GOLM2: variants seen among roughly 807,000 people sequenced by gnomAD.
GOLM2 encodes the protein protein GOLM2.
Under a neutral mutation model 55.9 loss-of-function variants are expected in GOLM2, and 26 were observed. The observed-to-expected ratio is 0.47, with a 90% CI of 0.34 to 0.65. The LOEUF (loss-of-function observed/expected upper bound fraction) is 0.65. Among genes scored for constraint, GOLM2 ranks in the 30% least tolerant of loss-of-function variants. The probability of loss-of-function intolerance (pLI) is 0.01; values close to 1 mark genes in which losing one functional copy is unlikely to be tolerated. For missense variants in GOLM2, 486 were observed against 531.8 expected (o/e 0.91, Z 0.85); for synonymous variants, 165 against 194.6 (o/e 0.85, Z 1.27).
At chr15:44,330,373 G>A (rs1223173460) in intron 3 of GOLM2, among the ~76,000 whole-genome samples, 1 of 151,420 alleles carries the variant, frequency 6.6e-6, no homozygotes, top group East Asian at 2.0e-4. Flanking sequence ...AATTAGCTGG[G>A]CCTGATGGTG....
chr15:44,377,716 T>TA (rs1050361071), intron 6 of GOLM2, among the ~76,000 whole-genome samples: 1 of 152,130 alleles, frequency 6.6e-6, no homozygotes, highest in African/African-American at 2.4e-5. Context: ...GCCAAAACTA[T>TA]AAAATTGAGA....
At chr15:44,316,583 G>C (rs918305979) in intron 1 of GOLM2, among the ~76,000 whole-genome samples, 8 of 151,750 alleles carry the variant, frequency 5.3e-5, no homozygotes, top group Admixed American at 4.6e-4. Context: ...GTGAAACCCC[G>C]TCTCTACTAA....
At chr15:44,397,206 G>A (rs562777804) in intron 8 of GOLM2, among the ~76,000 whole-genome samples, 2 of 152,192 alleles carry the variant, frequency 1.3e-5, no homozygotes, top group East Asian at 3.9e-4. Flanking sequence ...TAGGCCAGGT[G>A]TGGTGGCTCA....
At chr15:44,373,389 G>A (rs1486320517) in intron 6 of GOLM2, among the ~76,000 whole-genome samples, 6 of 151,728 alleles carry the variant, frequency 4.0e-5, no homozygotes, top group Non-Finnish European at 5.9e-5. Flanking sequence ...CCCGGGAGGC[G>A]GAGCTTGCAG....
chr15:44,363,553 G>A (rs2079258863), intron 6 of GOLM2, among the ~76,000 whole-genome samples: 1 of 152,174 alleles, frequency 6.6e-6, no homozygotes, highest in Admixed American at 6.5e-5. Context: ...AACAGGTGCT[G>A]GAGAGGATGT....
intron 1 of GOLM2, among the ~76,000 whole-genome samples, chr15:44,300,242 A>AAAAG (rs141220122): frequency 0.051 from 7,768 of 151,730 alleles, 316 homozygotes; most frequent in East Asian, 0.19. Flanking sequence ...GGGAAGAAAG[A>AAAAG]AAAGAAAGGA....
chr15:44,338,313 C>A lies in GOLM2; in HGVS notation c.798C>A (p.Pro266=). 6.2e-7 allele frequency: 1 copy of A among 1,610,442 alleles called. No homozygotes were observed. Among genetic ancestry groups the A allele is most frequent in the Non-Finnish European group, 8.5e-7 (1 of 1,176,970 alleles). The change falls in exon 6 of 10, where the codon CCC becomes CCA. Residue 266 remains proline (P), a synonymous_variant. Transcript: ENST00000299957. The stretch of plus-strand genomic sequence containing the variant: ...ACCTAGCAAAAGTTGATGATCTTCC[C>A]CCTGGTAAGTAAAAATTGTTAGAGA... ...ENDLAKVDDL[P]PALRKPPISV... is the part of the protein sequence containing the mutation.
At chr15:44,340,300 G>A (rs757667292) in intron 6 of GOLM2, among the ~76,000 whole-genome samples, 27 of 151,972 alleles carry the variant, frequency 1.8e-4, no homozygotes, top group Non-Finnish European at 3.5e-4. Flanking sequence ...CAGAGACAGG[G>A]TCTCATTCTG....
chr15:44,333,011 C>T (rs1323992480), intron 4 of GOLM2, among the ~76,000 whole-genome samples: 1 of 152,142 alleles, frequency 6.6e-6, no homozygotes, highest in Non-Finnish European at 1.5e-5. Flanking sequence ...CGGCTCACTG[C>T]CAGCCCCGCC....
intron 6 of GOLM2, among the ~76,000 whole-genome samples, chr15:44,359,877 A>T (rs1400742150): frequency 6.6e-6 from 1 of 152,230 alleles, no homozygotes; most frequent in Non-Finnish European, 1.5e-5. Flanking sequence ...GATAAGCCAG[A>T]AGAGAGTGGG....
intron 1 of GOLM2, among the ~76,000 whole-genome samples, chr15:44,295,947 C>G (rs927000386): frequency 2.0e-5 from 3 of 151,194 alleles, no homozygotes; most frequent in East Asian, 2.0e-4. Context: ...CACACACACA[C>G]AGACACCCTT....
In GOLM2 at chr15:44,289,096, G is replaced by T. The variant is rs2078701479; in HGVS notation, c.67G>T (p.Val23Leu). 3 of 1,614,170 alleles carry T rather than the reference G, an allele frequency of 1.9e-6. No homozygotes were observed. Among genetic ancestry groups the T allele is most frequent in the East Asian group, 4.5e-5 (2 of 44,878 alleles). ...CTCTCTCGTGCTGGTGGTGCTGCTG[G>T]TGGTGATCGTCGTCCTCGCCTTCAA... Reference protein sequence around the residue: ...LPSLVLVVLLVVIVVLAFNYW... With the variant: ...LPSLVLVVLLLVIVVLAFNYW... Residue 23 changes from valine to leucine, a missense_variant, in exon 1 of 10, where the codon GTG becomes TTG. Transcript: ENST00000299957. The surrounding 1 kb of genome is among the most constrained non-coding windows in gnomAD (Gnocchi z 4.8).
intron 8 of GOLM2, among the ~76,000 whole-genome samples, chr15:44,391,348 A>G (rs1166337374): frequency 6.6e-6 from 1 of 151,872 alleles, no homozygotes. Context: ...CCCCGTCTCT[A>G]CTAAAAAAAA....
At chr15:44,353,211 G>A (rs1427037911) in intron 6 of GOLM2, among the ~76,000 whole-genome samples, 1 of 152,150 alleles carries the variant, frequency 6.6e-6, no homozygotes, top group Non-Finnish European at 1.5e-5. Flanking sequence ...GTTTAAAATG[G>A]ATTGTATCCA....
intron 6 of GOLM2, among the ~76,000 whole-genome samples, chr15:44,350,922 A>G (rs542597389): frequency 6.6e-6 from 1 of 152,320 alleles, no homozygotes; most frequent in South Asian, 2.1e-4. Flanking sequence ...ATAAAATTTA[A>G]CATCTCTTCA....
chr15:44,346,702 A>T (rs564870244), intron 6 of GOLM2, among the ~76,000 whole-genome samples: 4 of 152,216 alleles, frequency 2.6e-5, no homozygotes, highest in African/African-American at 9.6e-5. Flanking sequence ...GAAACCAGTA[A>T]TAGTGGTTTT....
In GOLM2 at chr15:44,296,110, G is replaced by A. The variant is rs1199979604; in HGVS notation, c.327+6754G>A. Among the ~76,000 whole-genome samples the A allele has an allele frequency of 5.3e-5, 8 of 152,250 alleles. No homozygotes were observed. In the East Asian group the frequency reaches 1.2e-3, roughly 22 times the overall value. On this transcript the variant is annotated intron_variant, in intron 1 of 9. Coordinates refer to ENST00000299957, the MANE Select transcript of GOLM2 (RefSeq NM_138423.4). The stretch of plus-strand genomic sequence containing the variant: ...GCTAGAATGCAGTAGCTATTCATAG[G>A]TGTGATCATAGCACACCACAGCCAG...
At chr15:44,336,100 AC>A (rs2079054743) in intron 4 of GOLM2, among the ~76,000 whole-genome samples, 1 of 150,322 alleles carries the variant, frequency 6.7e-6, no homozygotes, top group Non-Finnish European at 1.5e-5. Context: ...GGCATGAACC[AC>A]CGTGCCTGGC....
intron 8 of GOLM2, among the ~76,000 whole-genome samples, chr15:44,382,953 G>C (rs1595660525): frequency 6.7e-6 from 1 of 148,972 alleles, no homozygotes; most frequent in Admixed American, 6.7e-5. Context: ...AGAGCCTATT[G>C]AGTTTTAAAC....
Sources: allele counts gnomAD v4.1 joint callset (sites outside exome capture counted in the v4.1 genomes callset), GRCh38; gene constraint gnomAD v4.1.1; non-coding constraint Gnocchi (gnomAD v3.1); transcripts MANE v1.5; gene names NCBI Gene and HGNC (gene_info 2026-07-23, HGNC 2026-07-21).